BRD3: variants seen among roughly 807,000 people sequenced by gnomAD.
The protein encoded by BRD3 is bromodomain-containing protein 3.
A neutral mutation model predicts 66.8 loss-of-function variants in BRD3; 17 were observed. The ratio of observed to expected loss-of-function variants is 0.25; its 90% confidence interval spans 0.17 to 0.38. The LOEUF (loss-of-function observed/expected upper bound fraction) is 0.38. Ranked by LOEUF, BRD3 falls within the 10% of genes least tolerant of loss-of-function variation. The probability of loss-of-function intolerance (pLI) is 1.00; values close to 1 mark genes in which losing one functional copy is unlikely to be tolerated. For synonymous variants in BRD3, 421 were observed against 393.2 expected (o/e 1.07, Z -0.84); for missense variants, 713 against 956.1 (o/e 0.75, Z 3.35).
chr9:134,053,448 C>T lies in BRD3; in HGVS notation c.30G>A (p.Ala10=), dbSNP rs200375412. 29 of 1,607,034 alleles carry T rather than the reference C, an allele frequency of 1.8e-5. No homozygotes were observed. Among genetic ancestry groups the T allele is most frequent in the Non-Finnish European group, 2.4e-5 (28 of 1,178,222 alleles). The stretch of plus-strand genomic sequence containing the variant: ...CAGGGCCCGGGGTCGCCGGGATCCC[C>T]GCGGGGGCGACTGTCGTGGCGGTGG... MSTATTVAP[A]GIPATPGPVN... Residue 10 remains alanine, a synonymous_variant, in exon 2 of 12, where the codon GCG becomes GCA. Transcript: ENST00000303407.
chr9:134,067,056 C>A (rs889193273), intron 1 of BRD3, among the ~76,000 whole-genome samples: 3 of 152,162 alleles, frequency 2.0e-5, no homozygotes, highest in Admixed American at 6.5e-5. Context: ...AGAGAGCCCA[C>A]CAGGGCCATG....
chr9:134,066,395 A>G (rs1393599818), intron 1 of BRD3, among the ~76,000 whole-genome samples: 1 of 152,208 alleles, frequency 6.6e-6, no homozygotes, highest in Admixed American at 6.5e-5. Context: ...GCTGCCAGGG[A>G]AGAACCCGGA....
chr9:134,044,309 A>G (rs974244898), intron 7 of BRD3, among the ~76,000 whole-genome samples: 5 of 152,192 alleles, frequency 3.3e-5, no homozygotes, highest in East Asian at 1.9e-4. Context: ...AGGGTGGGAA[A>G]GGCAGCAGGA....
chr9:134,062,240 G>A (rs920823236), intron 1 of BRD3, among the ~76,000 whole-genome samples: 4 of 152,156 alleles, frequency 2.6e-5, no homozygotes, highest in East Asian at 3.9e-4. Context: ...CATGCACAGC[G>A]CACCTGCTCT....
rs1489481991 is a variant in BRD3 at position 134,036,117 on chromosome 9, G to A, written c.1851C>T (p.Asp617=). ...RDSNPDEIEI[D]FETLKPTTLR... ...AAGTGGTGGGTTTCAGAGTCTCAAA[G>A]TCAATTTCTATCTCGTCGGGGTTGG... is the stretch of plus-strand genomic sequence containing the variant. The change falls in exon 10 of 12, where the codon GAC becomes GAT. Residue 617 remains aspartate, a synonymous_variant. Transcript: ENST00000303407. 6.2e-7 allele frequency: 1 copy of A among 1,614,134 alleles called. No individual in the cohort carries two copies. The highest frequency in any genetic ancestry group is 8.5e-7 in the Non-Finnish European group (1 of 1,180,046).
At chr9:134,061,205 G>T (rs951811929) in intron 1 of BRD3, among the ~76,000 whole-genome samples, 4 of 152,364 alleles carry the variant, frequency 2.6e-5, no homozygotes, top group Admixed American at 2.6e-4. Flanking sequence ...GAGGACAGAG[G>T]GGTGCTGCCT....
At position 134,045,531 on chromosome 9, in the gene BRD3, G is replaced by T. The variant is rs1830148761; in HGVS notation, c.1087-110C>A. 2.6e-6 allele frequency: 4 copies of T among 1,510,418 alleles called. No individual in the cohort carries two copies. Among genetic ancestry groups the T allele is most frequent in the Middle Eastern group, 1.8e-4 (1 of 5,426 alleles). 93.6% of individuals were successfully genotyped at this position (1,510,418 alleles called of 1,614,324 possible). ...CCTCAGGAGCCACTGCCAGCTCCAGGGCAGTGCCTACTGGCCTGGCCGGCA... is the reference window on the plus strand; with the variant it reads ...CCTCAGGAGCCACTGCCAGCTCCAGTGCAGTGCCTACTGGCCTGGCCGGCA... On this transcript the variant is annotated intron_variant, in intron 6 of 11. Coordinates refer to ENST00000303407, the MANE Select transcript of BRD3 (RefSeq NM_007371.4). This position sits in a 1 kb window ranked among gnomAD's most constrained non-coding sequence, Gnocchi z 4.8.
chr9:134,038,246 C>T (rs1829970230), intron 9 of BRD3, among the ~76,000 whole-genome samples: 1 of 151,168 alleles, frequency 6.6e-6, no homozygotes, highest in South Asian at 2.1e-4. Flanking sequence ...CCTCTACCTC[C>T]CGGGTTCAAG....
chr9:134,030,924 C>G lies in BRD3; in HGVS notation c.*2666G>C. On this transcript the variant is annotated 3_prime_UTR_variant, in exon 12 of 12. Transcript: ENST00000303407. ...TGAAAAAAGCATGTTAGAAGCTGCC[C>G]TACAGGTCTCAGCAGTGGGACAATC... 4.3e-6 allele frequency: 1 copy of G among 231,568 alleles called. No individual in the cohort carries two copies. The highest frequency in any genetic ancestry group is 8.5e-6 in the Non-Finnish European group (1 of 117,006). The allele number at this position is 231,568 out of a possible 1,614,324, so 14.3% of individuals were successfully genotyped here. A position where few individuals can be genotyped will look rare whatever the true frequency, so the allele number is the denominator to read the frequency against.
At chr9:134,036,879 C>T (rs952503610) in intron 9 of BRD3, among the ~76,000 whole-genome samples, 6 of 152,024 alleles carry the variant, frequency 3.9e-5, no homozygotes, top group African/African-American at 1.2e-4. Context: ...GGCGTGGTGG[C>T]GGGCACCTGT....
At chr9:134,060,587 G>GACAC (rs10661799) in intron 1 of BRD3, among the ~76,000 whole-genome samples, 4,410 of 143,788 alleles carry the variant, frequency 0.031, 69 homozygotes, top group South Asian at 0.061. Context: ...GCAAGACCCT[G>GACAC]ACACACACAC....
Position 134,055,772 on chromosome 9 carries a change from T to C in BRD3, c.-113-2182A>G, listed in dbSNP as rs576996477. On this transcript the variant is annotated intron_variant, in intron 1 of 11. Transcript: ENST00000303407. ...CAGAGCCAGGAAATGGGGCTGAAAC[T>C]GACCTTTGGGGATGTGGGGGTGGTC... The C allele has an allele frequency of 2.0e-5, 3 of 152,812 alleles. No individual in the cohort carries two copies. The East Asian group carries it at 5.8e-4, about 29-fold the overall frequency. 9.5% of individuals were successfully genotyped at this position (152,812 alleles called of 1,614,324 possible).
rs1478144815 is a variant in BRD3 at position 134,048,212 on chromosome 9, G to C, written c.957C>G (p.Leu319=). ...CGTGCTTCTTGGATAGCATCTCCCT[G>C]AGGATGCTGTCGCAGTAGCGTAGGT... ...SEHLRYCDSI[L]REMLSKKHAA... Residue 319 remains leucine (L), a synonymous_variant, in exon 6 of 12, where the codon CTC becomes CTG. Transcript: ENST00000303407. The C allele has an allele frequency of 6.2e-7, 1 of 1,612,716 alleles. No individual in the cohort carries two copies. Among genetic ancestry groups the C allele is most frequent in the African/African-American group, 1.3e-5 (1 of 74,956 alleles).
rs1300213441 is a variant in BRD3 at position 134,031,634 on chromosome 9, A to C, written c.*1956T>G. 4.7e-6 allele frequency: 1 copy of C among 213,804 alleles called. No homozygotes were observed. Among genetic ancestry groups the C allele is most frequent in the African/African-American group, 2.3e-5 (1 of 44,168 alleles). 13.2% of individuals were successfully genotyped at this position (213,804 alleles called of 1,614,324 possible). ...ACTCACCAGCAATTTAAAAAATGAT[A>C]ATTTACCAGCATCTCCTCATCAGAG... On this transcript the variant is annotated 3_prime_UTR_variant, in exon 12 of 12. Coordinates refer to ENST00000303407, the MANE Select transcript of BRD3 (RefSeq NM_007371.4).
intron 7 of BRD3, among the ~76,000 whole-genome samples, chr9:134,042,228 G>C (rs75803065): frequency 0.016 from 2,470 of 152,230 alleles, 69 homozygotes; most frequent in African/African-American, 0.055. Flanking sequence ...GCCCTCTCTA[G>C]AAGATGCATG....
intron 10 of BRD3, among the ~76,000 whole-genome samples, chr9:134,035,739 C>A (rs944577971): frequency 6.6e-6 from 1 of 152,242 alleles, no homozygotes; most frequent in Admixed American, 6.5e-5. Context: ...GCCCCAGAGT[C>A]GCGCACTCCT....
intron 4 of BRD3, 44 bp from the exon 5 acceptor site, chr9:134,050,632 G>A (rs201460215): frequency 6.5e-7 from 1 of 1,529,364 alleles, no homozygotes; most frequent in East Asian, 2.3e-5. Flanking sequence ...GGCTCCACTA[G>A]TATTTCCAGA....
intron 1 of BRD3, chr9:134,058,306 C>T (rs1385079869): frequency 3.3e-5 from 5 of 152,468 alleles, no homozygotes; most frequent in Middle Eastern, 6.8e-3. Flanking sequence ...GATCCCAAGT[C>T]CCCTGGGGCC....
At chr9:134,040,989 G>T (rs1316786197) in intron 8 of BRD3, among the ~76,000 whole-genome samples, 1 of 152,198 alleles carries the variant, frequency 6.6e-6, no homozygotes, top group African/African-American at 2.4e-5. Context: ...TCTGTGCAAG[G>T]AAGACAGAGG....
Sources: allele counts gnomAD v4.1 joint callset (sites outside exome capture counted in the v4.1 genomes callset), GRCh38; gene constraint gnomAD v4.1.1; non-coding constraint Gnocchi (gnomAD v3.1); transcripts MANE v1.5; gene names NCBI Gene and HGNC (gene_info 2026-07-23, HGNC 2026-07-21).